The following SGCZ variants were observed in gnomAD, a reference collection of about 807,000 sequenced individuals.
The protein encoded by SGCZ is sarcoglycan zeta.
In SGCZ, 40 loss-of-function variants were observed where a neutral mutation model predicts 41.3. The observed-to-expected ratio is 0.97, with a 90% confidence interval of 0.75 to 1.26. The LOEUF is 1.26. SGCZ is among the 50% of genes most tolerant of loss of function. The pLI, the probability that SGCZ is intolerant of heterozygous loss-of-function variation, is 0.00. For missense variants in SGCZ, 552 were observed against 369.8 expected (o/e 1.49, Z -4.04); for synonymous variants, 206 against 137.5 (o/e 1.50, Z -3.49).
At chr8:14,551,457 A>G (rs1349764233) in intron 2 of SGCZ, among the ~76,000 whole-genome samples, 1 of 6,930 alleles carries the variant, frequency 1.4e-4, no homozygotes, top group South Asian at 7.5e-3. Flanking sequence ...TATATATATT[A>G]TATATATTAT....
At chr8:14,795,108 G>A (rs2130481711) in intron 1 of SGCZ, among the ~76,000 whole-genome samples, 1 of 152,254 alleles carries the variant, frequency 6.6e-6, no homozygotes, top group Non-Finnish European at 1.5e-5. Context: ...ACCCAACACA[G>A]AATAAAGGTA....
At chr8:14,273,299 C>T (rs994453472) in intron 3 of SGCZ, among the ~76,000 whole-genome samples, 1 of 152,134 alleles carries the variant, frequency 6.6e-6, no homozygotes, top group African/African-American at 2.4e-5. Context: ...AATTTCACTG[C>T]ACTTTGAAAA....
At chr8:14,268,353 A>T (rs182299581) in intron 3 of SGCZ, among the ~76,000 whole-genome samples, 1 of 135,694 alleles carries the variant, frequency 7.4e-6, no homozygotes, top group Non-Finnish European at 1.7e-5. Flanking sequence ...AAAAATATAT[A>T]TGTGTATATA....
intron 1 of SGCZ, among the ~76,000 whole-genome samples, chr8:15,196,786 T>C (rs111376892): frequency 5.6e-4 from 86 of 152,352 alleles, no homozygotes; most frequent in African/African-American, 1.9e-3. Flanking sequence ...TTTCTCATAA[T>C]TCTATGGGCT....
intron 3 of SGCZ, among the ~76,000 whole-genome samples, chr8:14,243,759 G>T (rs181750512): frequency 1.3e-5 from 2 of 152,096 alleles, no homozygotes; most frequent in African/African-American, 2.4e-5. Flanking sequence ...CCAAGTCTAA[G>T]TCCTGTCCTC....
At chr8:14,684,265 T>A (rs1488461480) in intron 1 of SGCZ, among the ~76,000 whole-genome samples, 1 of 152,176 alleles carries the variant, frequency 6.6e-6, no homozygotes, top group East Asian at 1.9e-4. Context: ...TTTAATAATT[T>A]TTCTATAAAC....
At chr8:14,984,721 T>C (rs1244337036) in intron 1 of SGCZ, among the ~76,000 whole-genome samples, 1 of 152,198 alleles carries the variant, frequency 6.6e-6, no homozygotes, top group Non-Finnish European at 1.5e-5. Flanking sequence ...GACCGAGGTT[T>C]CTAATTTATG....
chr8:14,628,179 G>A (rs1806525390), intron 1 of SGCZ, among the ~76,000 whole-genome samples: 1 of 152,062 alleles, frequency 6.6e-6, no homozygotes, highest in Non-Finnish European at 1.5e-5. Flanking sequence ...CATTAACAAG[G>A]TGGGGGTTGC....
intron 1 of SGCZ, among the ~76,000 whole-genome samples, chr8:15,204,608 C>T (rs539958667): frequency 1.4e-4 from 21 of 152,184 alleles, no homozygotes; most frequent in African/African-American, 4.8e-4. Context: ...CCTTCCTTTG[C>T]GACTCTCATA....
At chr8:14,818,549 A>G (rs1801974305) in intron 1 of SGCZ, among the ~76,000 whole-genome samples, 1 of 152,180 alleles carries the variant, frequency 6.6e-6, no homozygotes, top group Non-Finnish European at 1.5e-5. Context: ...TGATGGCTTC[A>G]AAGGAGTACA....
chr8:15,159,723 T>TC (rs1799448022), intron 1 of SGCZ, among the ~76,000 whole-genome samples: 3 of 13,642 alleles, frequency 2.2e-4, no homozygotes, highest in Non-Finnish European at 3.0e-4. Context: ...CCCCCCTCCC[T>TC]CGCCCCCGCC....
In SGCZ at chr8:14,957,305, A is replaced by G. The variant is rs535388361; in HGVS notation, c.39+280280T>C. Among the ~76,000 whole-genome samples, 103 of 152,198 alleles carry G rather than the reference A, an allele frequency of 6.8e-4. 1 individual carries two copies. In the South Asian group the frequency reaches 0.021, roughly 31 times the overall value. On this transcript the variant is annotated intron_variant, in intron 1 of 7. Coordinates refer to ENST00000382080, the MANE Select transcript of SGCZ (RefSeq NM_139167.4). ...AATTTTCATCTTCTTTTTAAATTTAATGGTTACCATAAAACTTTTGTAGTA... is the reference window on the plus strand; with the variant it reads ...AATTTTCATCTTCTTTTTAAATTTAGTGGTTACCATAAAACTTTTGTAGTA...
chr8:15,092,844 C>T (rs1005556409), intron 1 of SGCZ, among the ~76,000 whole-genome samples: 1 of 152,154 alleles, frequency 6.6e-6, no homozygotes, highest in South Asian at 2.1e-4. Context: ...AATGGAAAAG[C>T]TTTCAACTAT....
At chr8:14,650,933 T>C (rs1172910478) in intron 1 of SGCZ, among the ~76,000 whole-genome samples, 1 of 152,054 alleles carries the variant, frequency 6.6e-6, no homozygotes, top group Non-Finnish European at 1.5e-5. Context: ...GCAGAGAATC[T>C]AGAACAAATG....
At chr8:14,727,783 C>A (rs1187153650) in intron 1 of SGCZ, among the ~76,000 whole-genome samples, 1 of 152,004 alleles carries the variant, frequency 6.6e-6, no homozygotes, top group Non-Finnish European at 1.5e-5. Flanking sequence ...AAGTGCTGGG[C>A]GTGAGCCACC....
chr8:14,943,196 T>A lies in SGCZ; in HGVS notation c.39+294389A>T, dbSNP rs183178544. 4.1e-3 allele frequency among the ~76,000 whole-genome samples: 622 copies of A among 152,306 alleles called. 6 individuals carry two copies. The highest frequency in any genetic ancestry group is 0.017 in the South Asian group (84 of 4,826). ...TTTAAGTGTGAGCAAAGGATCCATT[T>A]CCAAAGATAGAAAACACAACCTCTG... On this transcript the variant is annotated intron_variant, in intron 1 of 7. Transcript: ENST00000382080.
intron 3 of SGCZ, among the ~76,000 whole-genome samples, chr8:14,290,285 T>A (rs1338146007): frequency 1.3e-5 from 2 of 151,546 alleles, no homozygotes; most frequent in African/African-American, 4.8e-5. Context: ...TAGGCAAGGA[T>A]CTTTTGTATG....
intron 1 of SGCZ, among the ~76,000 whole-genome samples, chr8:15,130,255 C>T (rs1434779573): frequency 2.0e-5 from 3 of 152,024 alleles, no homozygotes; most frequent in African/African-American, 7.2e-5. Flanking sequence ...GCTAAGTGGC[C>T]GTGCAATGTT....
chr8:14,527,077 A>C (rs1011782549), intron 2 of SGCZ, among the ~76,000 whole-genome samples: 1 of 152,076 alleles, frequency 6.6e-6, no homozygotes, highest in Non-Finnish European at 1.5e-5. Flanking sequence ...CCTCACTAGC[A>C]TGTGTATGAA....
Sources: allele counts gnomAD v4.1 joint callset (sites outside exome capture counted in the v4.1 genomes callset), GRCh38; gene constraint gnomAD v4.1.1; transcripts MANE v1.5; gene names NCBI Gene and HGNC (gene_info 2026-07-23, HGNC 2026-07-21).